Variants in ATP8A2 observed in about 807,000 individuals in gnomAD.
The protein encoded by ATP8A2 is phospholipid-transporting ATPase IB.
ATP8A2 carries 100 observed loss-of-function variants against 165.6 expected under a neutral mutation model. The ratio of observed to expected loss-of-function variants is 0.60; its 90% CI spans 0.51 to 0.71. The LOEUF is 0.71. ATP8A2 is among the 30% of genes least tolerant of loss of function. The pLI is 0.00. For synonymous variants in ATP8A2, 543 were observed against 548.8 expected (o/e 0.99, Z 0.15); for missense variants, 1,227 against 1,479.5 (o/e 0.83, Z 2.80).
In ATP8A2 at chr13:26,020,170, G is replaced by T; in HGVS notation, c.*185G>T. The T allele has an allele frequency of 1.7e-6, 1 of 596,804 alleles. No homozygotes were observed. The highest frequency in any genetic ancestry group is 3.0e-6 in the Non-Finnish European group (1 of 336,398). 37.0% of individuals were successfully genotyped at this position (596,804 alleles called of 1,614,324 possible). On this transcript the variant is annotated 3_prime_UTR_variant, in exon 37 of 37. Coordinates refer to ENST00000381655, the MANE Select transcript of ATP8A2 (RefSeq NM_016529.6). ...CAAACCTGGAGTGCAGACCACAGGGGAAGCTATCTTTGCCCTCCCAACTCG... is the reference window on the plus strand; with the variant it reads ...CAAACCTGGAGTGCAGACCACAGGGTAAGCTATCTTTGCCCTCCCAACTCG...
intron 36 of ATP8A2, among the ~76,000 whole-genome samples, chr13:26,015,888 T>TC (rs555054535): frequency 1.7e-3 from 254 of 152,272 alleles, no homozygotes; most frequent in African/African-American, 6.0e-3. Context: ...TCCTCCGAGC[T>TC]CCCCGTTTGG....
At chr13:25,784,703 A>G (rs1175639524) in intron 27 of ATP8A2, among the ~76,000 whole-genome samples, 2 of 152,090 alleles carry the variant, frequency 1.3e-5, no homozygotes, top group Non-Finnish European at 2.9e-5. Flanking sequence ...TCCAACTGAA[A>G]TCTTTCCCGG....
intron 27 of ATP8A2, among the ~76,000 whole-genome samples, chr13:25,824,241 G>T (rs546420545): frequency 6.6e-6 from 1 of 152,240 alleles, no homozygotes; most frequent in African/African-American, 2.4e-5. Flanking sequence ...CAAAGTGCTG[G>T]GATTACAGAC....
At chr13:25,584,700 G>A (rs4073095) in intron 23 of ATP8A2, among the ~76,000 whole-genome samples, 91,075 of 151,990 alleles carry the variant, frequency 0.6, 28,900 homozygotes, top group Middle Eastern at 0.71. Flanking sequence ...TCTGGTGTGG[G>A]GCTTATTTAG....
chr13:25,646,215 CTGATT>C (rs1180666160), intron 24 of ATP8A2, among the ~76,000 whole-genome samples: 1 of 152,002 alleles, frequency 6.6e-6, no homozygotes, highest in Non-Finnish European at 1.5e-5. Flanking sequence ...TCTGTTTTGT[CTGATT>C]TAAGTATAGC....
At chr13:25,658,105 G>A (rs1387136666) in intron 24 of ATP8A2, among the ~76,000 whole-genome samples, 1 of 152,146 alleles carries the variant, frequency 6.6e-6, no homozygotes, top group Non-Finnish European at 1.5e-5. Context: ...CACTGGTAGG[G>A]ACGTGCACAC....
chr13:25,465,691 C>CTTTT (rs1344687870), intron 1 of ATP8A2, among the ~76,000 whole-genome samples: 1 of 17,170 alleles, frequency 5.8e-5, no homozygotes, highest in Non-Finnish European at 1.5e-4. Flanking sequence ...TTCTTTCTTT[C>CTTTT]TTTCTTTCTT....
At chr13:25,713,223 A>G (rs1566070285) in intron 25 of ATP8A2, among the ~76,000 whole-genome samples, 1 of 152,186 alleles carries the variant, frequency 6.6e-6, no homozygotes, top group Non-Finnish European at 1.5e-5. Flanking sequence ...CGCATCTTCT[A>G]TTTCTAACTT....
At chr13:25,995,988 G>C (rs1046657886) in intron 35 of ATP8A2, among the ~76,000 whole-genome samples, 1 of 152,128 alleles carries the variant, frequency 6.6e-6, no homozygotes, top group Non-Finnish European at 1.5e-5. Flanking sequence ...GGATTGCTAT[G>C]TATTCTGAAT....
At chr13:25,951,724 G>T (rs948902672) in intron 33 of ATP8A2, among the ~76,000 whole-genome samples, 15 of 152,262 alleles carry the variant, frequency 9.9e-5, no homozygotes, top group Admixed American at 7.2e-4. Flanking sequence ...ATGTTATTAT[G>T]TTAATGAACC....
intron 24 of ATP8A2, among the ~76,000 whole-genome samples, chr13:25,695,758 G>T (rs149653905): frequency 3.3e-5 from 5 of 152,228 alleles, no homozygotes; most frequent in African/African-American, 7.2e-5. Context: ...TAGTTCTCCC[G>T]TTGCTTCTAC....
chr13:25,514,822 T>TC (rs1198354979), intron 2 of ATP8A2, among the ~76,000 whole-genome samples: 1 of 152,090 alleles, frequency 6.6e-6, no homozygotes, highest in African/African-American at 2.4e-5. Context: ...CTGAAACTGT[T>TC]CCCCTCCTGT....
At chr13:25,754,674 C>CA (rs1223572429) in intron 25 of ATP8A2, among the ~76,000 whole-genome samples, 4 of 151,896 alleles carry the variant, frequency 2.6e-5, no homozygotes, top group Non-Finnish European at 5.9e-5. Context: ...AAATATAAAG[C>CA]AAAAAATCCC....
At chr13:25,641,111 A>G (rs1566004851) in intron 24 of ATP8A2, among the ~76,000 whole-genome samples, 1 of 152,206 alleles carries the variant, frequency 6.6e-6, no homozygotes, top group Non-Finnish European at 1.5e-5. Context: ...ATCTCAAAAT[A>G]GTAAGAGCTG....
chr13:25,413,876 A>G (rs1055699938), intron 1 of ATP8A2, among the ~76,000 whole-genome samples: 10 of 151,624 alleles, frequency 6.6e-5, no homozygotes, highest in African/African-American at 2.4e-4. Flanking sequence ...CTGTTTTTTT[A>G]TTTCTTTGAT....
intron 24 of ATP8A2, among the ~76,000 whole-genome samples, chr13:25,671,542 G>A (rs1335983452): frequency 1.3e-5 from 2 of 152,138 alleles, no homozygotes; most frequent in African/African-American, 4.8e-5. Context: ...CTGGAGGTAG[G>A]TCTCTAAACT....
intron 24 of ATP8A2, 145 bp from the exon 25 acceptor site, chr13:25,699,028 T>C (rs762912689): frequency 1.9e-5 from 11 of 574,592 alleles, no homozygotes; most frequent in Non-Finnish European, 2.8e-5. Flanking sequence ...GAAATTTTAA[T>C]GTATAAATGT....
intron 27 of ATP8A2, among the ~76,000 whole-genome samples, chr13:25,814,620 T>TA (rs3981881): frequency 0.67 from 86,397 of 129,598 alleles, 29,702 homozygotes; most frequent in Non-Finnish European, 0.75. Flanking sequence ...AGCATTCAAT[T>TA]AAAAAAAAAA....
chr13:25,443,424 TA>T (rs946402392), intron 1 of ATP8A2, among the ~76,000 whole-genome samples: 14 of 152,206 alleles, frequency 9.2e-5, no homozygotes, highest in African/African-American at 3.4e-4. Context: ...TCTGACAAAG[TA>T]AAAAAGAAAG....
Sources: allele counts gnomAD v4.1 joint callset (sites outside exome capture counted in the v4.1 genomes callset), GRCh38; gene constraint gnomAD v4.1.1; transcripts MANE v1.5; gene names NCBI Gene and HGNC (gene_info 2026-07-23, HGNC 2026-07-21).